The following ARHGEF3 variants were observed in gnomAD, a reference collection of about 807,000 sequenced individuals.
The protein encoded by ARHGEF3 is 59.8 kDA protein.
In ARHGEF3, 28 loss-of-function variants were observed where a neutral mutation model predicts 63.2. That is an observed-to-expected ratio of 0.44 (90% CI 0.33 to 0.61). The LOEUF (loss-of-function observed/expected upper bound fraction) is 0.61, where lower values mean the gene tolerates loss of function less well. Ranked by LOEUF, ARHGEF3 falls within the 20% of genes least tolerant of loss-of-function variation. The probability of loss-of-function intolerance (pLI) is 0.03; values close to 1 mark genes in which losing one functional copy is unlikely to be tolerated. For missense variants in ARHGEF3, 533 were observed against 659.3 expected, an observed-to-expected ratio of 0.81 and a Z score of 2.10; for synonymous variants, 266 against 254.2, an observed-to-expected ratio of 1.05 and a Z score of -0.44.
At chr3:57,032,440 C>A (rs1183547251) in intron 2 of ARHGEF3, among the ~76,000 whole-genome samples, 1 of 152,240 alleles carries the variant, frequency 6.6e-6, no homozygotes, top group Non-Finnish European at 1.5e-5. Context: ...GAACTCAGCA[C>A]TCAACAAATG....
intron 3 of ARHGEF3, among the ~76,000 whole-genome samples, chr3:56,911,950 C>CAT (rs1432117888): frequency 8.0e-5 from 12 of 150,844 alleles, no homozygotes; most frequent in East Asian, 5.8e-4. Flanking sequence ...AAAAAAATTA[C>CAT]ATATATATAT....
At chr3:56,984,559 T>C (rs1701460555) in intron 2 of ARHGEF3, among the ~76,000 whole-genome samples, 1 of 146,658 alleles carries the variant, frequency 6.8e-6, no homozygotes, top group Non-Finnish European at 1.5e-5. Flanking sequence ...GTTACATAAA[T>C]AAACTCACAG....
At chr3:56,995,673 A>ATTTT (rs1553800632) in intron 2 of ARHGEF3, among the ~76,000 whole-genome samples, 2 of 93,448 alleles carry the variant, frequency 2.1e-5, no homozygotes, top group Non-Finnish European at 4.4e-5. Context: ...GAGAGAGAGA[A>ATTTT]TTTTTTTTAA....
chr3:56,972,683 T>C (rs1560098819), intron 2 of ARHGEF3, among the ~76,000 whole-genome samples: 1 of 151,792 alleles, frequency 6.6e-6, no homozygotes, highest in African/African-American at 2.4e-5. Context: ...AAAACCAATA[T>C]GGCTGGAGTG....
intron 2 of ARHGEF3, among the ~76,000 whole-genome samples, chr3:56,987,208 A>G (rs534927538): frequency 6.6e-6 from 1 of 152,152 alleles, no homozygotes; most frequent in Non-Finnish European, 1.5e-5. Flanking sequence ...TGAGACCCTG[A>G]CTCAGAAAAC....
At chr3:56,748,054 G>A (rs985697643) in intron 6 of ARHGEF3, among the ~76,000 whole-genome samples, 2 of 152,172 alleles carry the variant, frequency 1.3e-5, no homozygotes, top group African/African-American at 4.8e-5. Context: ...CTTTGTTTTC[G>A]AGATAGGGTC....
chr3:56,765,827 T>C (rs1050707197), intron 2 of ARHGEF3, among the ~76,000 whole-genome samples: 6 of 152,216 alleles, frequency 3.9e-5, no homozygotes, highest in African/African-American at 1.4e-4. Flanking sequence ...GCAAAGGTAA[T>C]ACATATTAAA....
At chr3:57,054,899 C>A (rs988243646) in intron 1 of ARHGEF3, among the ~76,000 whole-genome samples, 1 of 151,728 alleles carries the variant, frequency 6.6e-6, no homozygotes, top group African/African-American at 2.4e-5. Context: ...TCTGCCCACC[C>A]TGGCCTCCCA....
chr3:56,793,324 C>T (rs1056517653), intron 1 of ARHGEF3, among the ~76,000 whole-genome samples: 5 of 152,198 alleles, frequency 3.3e-5, no homozygotes, highest in East Asian at 1.9e-4. Flanking sequence ...TGCCCGCCAC[C>T]GCGCCCGGCT....
At chr3:56,827,518 G>A (rs1049247755) in intron 4 of ARHGEF3, among the ~76,000 whole-genome samples, 2 of 152,080 alleles carry the variant, frequency 1.3e-5, no homozygotes, top group African/African-American at 2.4e-5. Flanking sequence ...TTGCATGGCT[G>A]TTGCGAGGAT....
intron 3 of ARHGEF3, among the ~76,000 whole-genome samples, chr3:56,935,131 G>T (rs2042524771): frequency 6.6e-6 from 1 of 152,052 alleles, no homozygotes; most frequent in Non-Finnish European, 1.5e-5. Flanking sequence ...TCTAGCTCAA[G>T]GTTTGTAAAC....
In ARHGEF3 at chr3:56,919,003, C is replaced by T. The variant is rs190979379; in HGVS notation, c.130-36649G>A. 1.4e-4 allele frequency among the ~76,000 whole-genome samples: 21 copies of T among 152,132 alleles called. No individual in the cohort carries two copies. In the East Asian group the frequency reaches 3.7e-3, roughly 27 times the overall value. On this transcript the variant is annotated intron_variant, in intron 3 of 12. Coordinates refer to the ARHGEF3 transcript ENST00000338458. ...GATGCACTGGTGTTAAAAAGCCAGA[C>T]GTAGACAGAGGTTCATAAACCCAAA...
At position 57,020,397 on chromosome 3, in the gene ARHGEF3, A is replaced by T. The variant is rs140658416; in HGVS notation, c.62+14691T>A. Reference sequence around the variant, plus strand: ...TGGGGTGTCTGCCACCCAGCATCCAATTCCCTGTGTGTGGGTGACAGCACC... The same window carrying T: ...TGGGGTGTCTGCCACCCAGCATCCATTTCCCTGTGTGTGGGTGACAGCACC... On this transcript the variant is annotated intron_variant, in intron 2 of 12. Transcript: ENST00000338458. 8.1e-4 allele frequency among the ~76,000 whole-genome samples: 124 copies of T among 152,258 alleles called. 1 individual carries two copies. The highest frequency in any genetic ancestry group is 2.7e-3 in the African/African-American group (114 of 41,560).
intron 2 of ARHGEF3, among the ~76,000 whole-genome samples, chr3:56,990,649 T>C (rs1701713959): frequency 6.6e-6 from 1 of 152,206 alleles, no homozygotes; most frequent in Admixed American, 6.5e-5. Flanking sequence ...CCTTTATTGT[T>C]AGCTAATGGA....
rs752526450 is a variant in ARHGEF3, at chr3:56,908,500, C to CA, written c.130-26147dup. 1.2e-4 allele frequency among the ~76,000 whole-genome samples: 18 copies of CA among 152,214 alleles called. 1 individual carries two copies. Among genetic ancestry groups the CA allele is most frequent in the Non-Finnish European group, 1.8e-4 (12 of 68,040 alleles). Reference sequence around the variant, plus strand: ...CAAGCACTTTGCCCTAAGGGGCTCACACCATAATGGTTCTGCAGTTGAGAT... The same window carrying CA: ...CAAGCACTTTGCCCTAAGGGGCTCACAACCATAATGGTTCTGCAGTTGAGAT... On this transcript the variant is annotated intron_variant, in intron 3 of 12. Coordinates refer to the ARHGEF3 transcript ENST00000338458.
intron 4 of ARHGEF3, among the ~76,000 whole-genome samples, chr3:56,811,246 A>T (rs1217599891): frequency 6.6e-6 from 1 of 152,212 alleles, no homozygotes; most frequent in Non-Finnish European, 1.5e-5. Flanking sequence ...AATTTAAAAC[A>T]TGCTTATCTT....
At chr3:56,972,509 T>A (rs1700956823) in intron 2 of ARHGEF3, among the ~76,000 whole-genome samples, 1 of 151,960 alleles carries the variant, frequency 6.6e-6, no homozygotes, top group African/African-American at 2.4e-5. Context: ...GGTGATAAAT[T>A]CTATGGAGAA....
chr3:56,846,937 C>T (rs923803886), intron 4 of ARHGEF3, among the ~76,000 whole-genome samples: 4 of 152,192 alleles, frequency 2.6e-5, no homozygotes, highest in Non-Finnish European at 5.9e-5. Flanking sequence ...ATAGTTCTTA[C>T]AGGATTTATT....
chr3:56,743,273 C>T (rs2034164010), intron 7 of ARHGEF3, among the ~76,000 whole-genome samples: 1 of 152,132 alleles, frequency 6.6e-6, no homozygotes, highest in African/African-American at 2.4e-5. Context: ...CTTTTCTATC[C>T]TACTTGGAGG....
Sources: allele counts gnomAD v4.1 joint callset (sites outside exome capture counted in the v4.1 genomes callset), GRCh38; gene constraint gnomAD v4.1.1; transcripts MANE v1.5; gene names NCBI Gene and HGNC (gene_info 2026-07-23, HGNC 2026-07-21).